The following EXD3 variants were observed in gnomAD, a reference collection of about 807,000 sequenced individuals.
EXD3 encodes exonuclease 3'-5' domain containing 3, also known as exonuclease mut-7 homolog.
EXD3 carries 92 observed loss-of-function variants against 98.0 expected under a neutral mutation model. The observed-to-expected ratio is 0.94, with a 90% CI of 0.79 to 1.12. The LOEUF is 1.12. EXD3 is among the 50% of genes most tolerant of loss of function. The probability of loss-of-function intolerance (pLI) is 0.00; values close to 1 mark genes in which losing one functional copy is unlikely to be tolerated. For synonymous variants in EXD3, 569 were observed against 526.0 expected (o/e 1.08, Z -1.12); for missense variants, 1,222 against 1,191.6 (o/e 1.03, Z -0.38).
intron 7 of EXD3, chr9:137,365,701 C>A (rs1402383717): frequency 1.4e-5 from 4 of 292,116 alleles, no homozygotes; most frequent in Non-Finnish European, 2.7e-5. Context: ...CACACACGTA[C>A]ACACCCATGC....
At chr9:137,336,462 A>G (rs572623451) in intron 17 of EXD3, among the ~76,000 whole-genome samples, 1 of 152,270 alleles carries the variant, frequency 6.6e-6, no homozygotes, top group African/African-American at 2.4e-5. Context: ...GGAGATCGAC[A>G]CCAGCCTGGC....
At chr9:137,311,219 C>T (rs1229594381) in intron 19 of EXD3, among the ~76,000 whole-genome samples, 1 of 152,210 alleles carries the variant, frequency 6.6e-6, no homozygotes, top group Non-Finnish European at 1.5e-5. Flanking sequence ...TCTCTCCCAC[C>T]AGGAAGCTCC....
At chr9:137,329,913 C>T in intron 17 of EXD3, among the ~76,000 whole-genome samples, 1 of 111,654 alleles carries the variant, frequency 9.0e-6, no homozygotes, top group Non-Finnish European at 1.8e-5. Context: ...CACGGGACTA[C>T]ACAGGACTAC....
chr9:137,343,778 T>C (rs1212904827), intron 17 of EXD3, among the ~76,000 whole-genome samples: 1 of 148,906 alleles, frequency 6.7e-6, no homozygotes, highest in Non-Finnish European at 1.5e-5. Context: ...TTAGTAGAGA[T>C]GGGGTTTCCC....
chr9:137,413,919 CT>C (rs57038595), intron 1 of EXD3, among the ~76,000 whole-genome samples: 2,722 of 133,462 alleles, frequency 0.02, 46 homozygotes, highest in African/African-American at 0.061. Flanking sequence ...TTTTTTTTTT[CT>C]TTTTTTTTTT....
intron 13 of EXD3, 60 bp from the exon 14 acceptor site, chr9:137,351,207 A>G: frequency 6.5e-7 from 1 of 1,533,468 alleles, no homozygotes; most frequent in Non-Finnish European, 8.8e-7. Flanking sequence ...CTGTCCCCTG[A>G]CCCCAGGGTG....
rs201357385 is a variant in EXD3 at position 137,354,728 on chromosome 9, C to T, written c.803G>A (p.Arg268Gln). 8.1e-3 allele frequency: 13,008 copies of T among 1,610,904 alleles called. 76 individuals carry two copies. Among genetic ancestry groups the T allele is most frequent in the Non-Finnish European group, 9.7e-3 (11,413 of 1,179,670 alleles). The change falls in exon 9 of 22, where the codon CGG becomes CAG. Residue 268 changes from arginine to glutamine, a missense_variant. Physicochemically the swap from Arg to Gln is conservative, Grantham distance 43. Coordinates refer to ENST00000340951, the MANE Select transcript of EXD3 (RefSeq NM_017820.5). Reference protein sequence around the residue: ...AAIQQRLAALRHLCHKRFVEK... With the variant: ...AAIQQRLAALQHLCHKRFVEK... ...CACAAACCGCTTGTGGCACAGGTGC[C>T]GCAGGGCCGCCAGGCGCTGCTGAAT...
intron 3 of EXD3, chr9:137,374,864 C>T (rs1835815095): frequency 1.0e-6 from 1 of 985,386 alleles, no homozygotes; most frequent in South Asian, 4.7e-5. Context: ...AGTCCTAGCC[C>T]TAGTGAGTTC....
At chr9:137,366,807 C>A (rs963938143) in intron 6 of EXD3, among the ~76,000 whole-genome samples, 175 bp from the exon 7 acceptor site, 1 of 152,254 alleles carries the variant, frequency 6.6e-6, no homozygotes, top group African/African-American at 2.4e-5. Flanking sequence ...GCCCAAGGCT[C>A]CTGCTGGGCT....
At chr9:137,406,399 G>A (rs1288449868) in intron 1 of EXD3, among the ~76,000 whole-genome samples, 1 of 152,148 alleles carries the variant, frequency 6.6e-6, no homozygotes, top group African/African-American at 2.4e-5. Context: ...TGAGAGCTGG[G>A]GGCTGAGTGC....
intron 1 of EXD3, among the ~76,000 whole-genome samples, chr9:137,401,640 G>T (rs1214485877): frequency 6.6e-6 from 1 of 152,218 alleles, no homozygotes; most frequent in Non-Finnish European, 1.5e-5. Context: ...AGCTGCCAAG[G>T]CTTGGGGCTT....
intron 1 of EXD3, among the ~76,000 whole-genome samples, chr9:137,419,968 G>T (rs1456068827): frequency 1.3e-5 from 2 of 152,010 alleles, no homozygotes; most frequent in African/African-American, 4.8e-5. Context: ...GACCATCCTG[G>T]CTAATACGGT....
At chr9:137,328,163 A>C (rs1210164539) in intron 17 of EXD3, among the ~76,000 whole-genome samples, 1 of 145,376 alleles carries the variant, frequency 6.9e-6, no homozygotes, top group Non-Finnish European at 1.5e-5. Flanking sequence ...ATGAGTAAAA[A>C]CAACTAATAT....
intron 3 of EXD3, chr9:137,374,977 T>G: frequency 2.2e-6 from 1 of 456,254 alleles, no homozygotes; most frequent in Non-Finnish European, 2.9e-6. Flanking sequence ...GTTCCAGCTC[T>G]AGTAAGTTGT....
intron 14 of EXD3, 58 bp downstream of exon 14, chr9:137,350,980 G>A (rs911230890): frequency 4.1e-6 from 6 of 1,471,420 alleles, no homozygotes; most frequent in African/African-American, 1.4e-5. Flanking sequence ...GGGGCCCCAA[G>A]CAGCCCTCGA....
At chr9:137,408,281 G>A (rs967225933) in intron 1 of EXD3, among the ~76,000 whole-genome samples, 1 of 152,054 alleles carries the variant, frequency 6.6e-6, no homozygotes, top group Non-Finnish European at 1.5e-5. Flanking sequence ...GGGCATGGTC[G>A]CTCACGCCTG....
intron 1 of EXD3, among the ~76,000 whole-genome samples, chr9:137,410,025 A>C (rs1837920059): frequency 6.6e-6 from 1 of 151,824 alleles, no homozygotes; most frequent in East Asian, 1.9e-4. Context: ...AAATACAAAA[A>C]ATTAGCTGGG....
At chr9:137,416,589 C>T (rs990671768) in intron 1 of EXD3, among the ~76,000 whole-genome samples, 1 of 152,166 alleles carries the variant, frequency 6.6e-6, no homozygotes, top group East Asian at 1.9e-4. Context: ...TCCCAAAGGT[C>T]CTCTCCACCC....
chr9:137,391,234 T>C (rs1025005916), intron 2 of EXD3, among the ~76,000 whole-genome samples: 3 of 152,248 alleles, frequency 2.0e-5, no homozygotes, highest in Non-Finnish European at 4.4e-5. Context: ...GAGAGCGGCA[T>C]GCGCTCATCA....
Sources: allele counts gnomAD v4.1 joint callset (sites outside exome capture counted in the v4.1 genomes callset), GRCh38; gene constraint gnomAD v4.1.1; transcripts MANE v1.5; gene names NCBI Gene and HGNC (gene_info 2026-07-23, HGNC 2026-07-21).